NELL1: variants seen among roughly 807,000 people sequenced by gnomAD.
NELL1 encodes the protein neural EGFL like 1.
NELL1 carries 76 observed loss-of-function variants against 107.4 expected under a neutral mutation model. The ratio of observed to expected loss-of-function variants is 0.71; its 90% CI spans 0.59 to 0.86. NELL1 has a LOEUF of 0.86. Ranked by LOEUF, NELL1 falls within the 40% of genes least tolerant of loss-of-function variation. The pLI, the probability that NELL1 is intolerant of heterozygous loss-of-function variation, is 0.00. For missense variants in NELL1, 1,024 were observed against 1,005.5 expected (o/e 1.02, Z -0.25); for synonymous variants, 353 against 341.2 (o/e 1.03, Z -0.38).
chr11:21,478,400 C>T (rs967415144), intron 15 of NELL1, among the ~76,000 whole-genome samples: 2 of 152,148 alleles, frequency 1.3e-5, no homozygotes, highest in African/African-American at 4.8e-5. Context: ...ATCATGCCTT[C>T]TCAACAGTCC....
At chr11:20,932,956 G>A (rs530354292) in intron 9 of NELL1, among the ~76,000 whole-genome samples, 16 of 152,366 alleles carry the variant, frequency 1.1e-4, no homozygotes, top group African/African-American at 3.6e-4. Context: ...ACAGCTGAGC[G>A]GGGTATTGAC....
chr11:20,809,250 G>A (rs774890601), intron 3 of NELL1, among the ~76,000 whole-genome samples: 1 of 152,020 alleles, frequency 6.6e-6, no homozygotes, highest in African/African-American at 2.4e-5. Context: ...AGTATGGTTG[G>A]CACATAATTG....
intron 5 of NELL1, among the ~76,000 whole-genome samples, chr11:20,910,452 T>G (rs1299152903): frequency 6.6e-6 from 1 of 152,158 alleles, no homozygotes; most frequent in Non-Finnish European, 1.5e-5. Context: ...ATCACATACT[T>G]TCCAACTGAA....
Position 21,570,933 on chromosome 11 carries a change from G to C in NELL1, c.2150G>C (p.Arg717Pro). 1.2e-6 allele frequency: 2 copies of C among 1,610,682 alleles called. No homozygotes were observed. The highest frequency in any genetic ancestry group is 1.7e-6 in the Non-Finnish European group (2 of 1,177,856). The change falls in exon 18 of 20, where the codon CGG becomes CCG. Residue 717 changes from arginine (R) to proline (P), a missense_variant. Coordinates refer to ENST00000357134, the MANE Select transcript of NELL1 (RefSeq NM_006157.5). ...DNWTHSCQQC[R>P]CLEGEVDCWP... ...TGGACCCATAGCTGTCAGCAGTGTC[G>C]GTGTCTGGTATGTTGGCTTCCTTTA...
chr11:20,882,388 A>G (rs1167447729), intron 4 of NELL1, among the ~76,000 whole-genome samples: 1 of 152,158 alleles, frequency 6.6e-6, no homozygotes, highest in Non-Finnish European at 1.5e-5. Context: ...TACATTATGG[A>G]CCTTGTTGGT....
intron 2 of NELL1, among the ~76,000 whole-genome samples, chr11:20,749,206 A>C (rs1268537912): frequency 6.6e-6 from 1 of 152,218 alleles, no homozygotes; most frequent in African/African-American, 2.4e-5. Flanking sequence ...GATGTCACAC[A>C]GTATAGTGAA....
At position 21,497,017 on chromosome 11, in the gene NELL1, A is replaced by C. The variant is rs1321175482; in HGVS notation, c.1646-37357A>C. Among the ~76,000 whole-genome samples the C allele has an allele frequency of 2.6e-5, 4 of 151,808 alleles. No homozygotes were observed. The East Asian group carries it at 8.1e-4, about 31-fold the overall frequency. On this transcript the variant is annotated intron_variant, in intron 15 of 19. Coordinates refer to ENST00000357134, the MANE Select transcript of NELL1 (RefSeq NM_006157.5). ...TATATGTGCCACATTTTCTTAATCC[A>C]GTCTATCATTGTTGGACATTTTGGG...
chr11:21,293,751 A>G (rs528337700), intron 14 of NELL1, among the ~76,000 whole-genome samples: 1 of 152,202 alleles, frequency 6.6e-6, no homozygotes, highest in Admixed American at 6.5e-5. Context: ...CTATGCAGCC[A>G]TGAAAAAGAT....
intron 12 of NELL1, among the ~76,000 whole-genome samples, chr11:21,066,969 G>GTAAGTAAATAAA (rs1554964431): frequency 1.3e-5 from 2 of 148,428 alleles, no homozygotes; most frequent in Non-Finnish European, 3.0e-5. Flanking sequence ...AATTTAAAAA[G>GTAAGTAAATAAA]TAAATAAATA....
At chr11:21,208,209 T>C (rs1857428771) in intron 13 of NELL1, among the ~76,000 whole-genome samples, 1 of 151,986 alleles carries the variant, frequency 6.6e-6, no homozygotes, top group African/African-American at 2.4e-5. Context: ...TTATTTTCTT[T>C]TTTCTTAAAA....
chr11:21,004,724 G>A (rs1852293531), intron 12 of NELL1, among the ~76,000 whole-genome samples: 1 of 152,104 alleles, frequency 6.6e-6, no homozygotes, highest in South Asian at 2.1e-4. Flanking sequence ...TTGTGTGTGT[G>A]TGTGCTAAAA....
At chr11:21,272,650 C>A (rs528891888) in intron 14 of NELL1, among the ~76,000 whole-genome samples, 6 of 152,318 alleles carry the variant, frequency 3.9e-5, no homozygotes, top group African/African-American at 1.4e-4. Context: ...GGGAGGCACC[C>A]CCAAGTAGGG....
intron 13 of NELL1, among the ~76,000 whole-genome samples, chr11:21,133,123 T>A (rs1855662928): frequency 6.6e-6 from 1 of 152,124 alleles, no homozygotes; most frequent in Non-Finnish European, 1.5e-5. Flanking sequence ...GTGTCCAGCT[T>A]AAGAGAAGAC....
chr11:20,919,926 C>T (rs556993493), intron 7 of NELL1, among the ~76,000 whole-genome samples: 2 of 152,216 alleles, frequency 1.3e-5, no homozygotes, highest in African/African-American at 4.8e-5. Context: ...CTTTTGAGGA[C>T]CTGCCGTTTG....
intron 5 of NELL1, among the ~76,000 whole-genome samples, chr11:20,886,157 T>C (rs1304437307): frequency 1.3e-5 from 2 of 152,088 alleles, no homozygotes; most frequent in African/African-American, 2.4e-5. Flanking sequence ...GGTACCATGC[T>C]CACTACCTGA....
chr11:21,385,407 T>C (rs1851720360), intron 15 of NELL1, among the ~76,000 whole-genome samples: 1 of 151,950 alleles, frequency 6.6e-6, no homozygotes, highest in Non-Finnish European at 1.5e-5. Context: ...AAAAAAATAT[T>C]GTCGTCAATC....
intron 14 of NELL1, among the ~76,000 whole-genome samples, chr11:21,310,869 A>G (rs976963609): frequency 1.1e-4 from 16 of 152,114 alleles, no homozygotes; most frequent in Non-Finnish European, 5.9e-5. Flanking sequence ...AGTGCATGTT[A>G]GATATATTCA....
intron 17 of NELL1, among the ~76,000 whole-genome samples, chr11:21,563,130 T>A (rs1039099557): frequency 2.6e-5 from 4 of 152,046 alleles, no homozygotes; most frequent in Non-Finnish European, 4.4e-5. Context: ...GGAACCCAGA[T>A]GAAAAGTGGT....
intron 12 of NELL1, among the ~76,000 whole-genome samples, chr11:21,067,939 G>A (rs903468482): frequency 1.3e-4 from 19 of 141,002 alleles, no homozygotes; most frequent in South Asian, 4.4e-4. Context: ...AGGTCGAGGC[G>A]GGAAAATAAC....
Sources: gnomAD v4.1 joint callset for allele counts (sites outside exome capture counted in the v4.1 genomes callset) on GRCh38, gnomAD v4.1.1 for gene constraint, MANE v1.5 for transcripts, NCBI Gene and HGNC (gene_info 2026-07-23, HGNC 2026-07-21) for gene names.